Variants in NOL10 observed in about 807,000 individuals in gnomAD.
The protein encoded by NOL10 is H_NH0074G24.1.
A neutral mutation model predicts 103.5 loss-of-function variants in NOL10; 58 were observed. The observed-to-expected ratio is 0.56, with a 90% CI of 0.45 to 0.70. The LOEUF is 0.70. Ranked by LOEUF, NOL10 falls within the 30% of genes least tolerant of loss-of-function variation. The pLI is 0.00. For synonymous variants in NOL10, 287 were observed against 282.5 expected (o/e 1.02, Z -0.16); for missense variants, 763 against 807.3 (o/e 0.95, Z 0.67).
At chr2:10,673,147 T>C (rs540287168) in intron 5 of NOL10, among the ~76,000 whole-genome samples, 21 of 152,048 alleles carry the variant, frequency 1.4e-4, no homozygotes, top group African/African-American at 5.1e-4. Context: ...ATTTCACATA[T>C]AAATAAGAAA....
intron 17 of NOL10, among the ~76,000 whole-genome samples, chr2:10,599,086 G>GT (rs1363947097): frequency 1.4e-5 from 2 of 147,778 alleles, no homozygotes; most frequent in East Asian, 3.9e-4. Context: ...CAAAGAAATG[G>GT]GGGGAAGGGA....
At chr2:10,666,042 C>T (rs1286068657) in intron 8 of NOL10, among the ~76,000 whole-genome samples, 5 of 152,120 alleles carry the variant, frequency 3.3e-5, no homozygotes. Flanking sequence ...CCCTCCCTCC[C>T]TTCCCCATCC....
chr2:10,657,817 G>T lies in NOL10; in HGVS notation c.831C>A (p.Ser277=). The T allele has an allele frequency of 2.6e-6, 4 of 1,550,726 alleles. No homozygotes were observed. The highest frequency in any genetic ancestry group is 2.4e-5 in the East Asian group (1 of 40,870). The change falls in exon 11 of 21, where the codon TCC becomes TCA. Residue 277 remains serine, a synonymous_variant. Transcript: ENST00000381685. ...GATCTAATGAATCCTGGAAATGAACGGACTTAATGGGCAGCCCATACTGGT... is the reference window on the plus strand; with the variant it reads ...GATCTAATGAATCCTGGAAATGAACTGACTTAATGGGCAGCCCATACTGGT... ...KDHQYGLPIK[S]VHFQDSLDLI...
At chr2:10,666,169 T>G (rs978648535) in intron 8 of NOL10, among the ~76,000 whole-genome samples, 18 of 152,192 alleles carry the variant, frequency 1.2e-4, no homozygotes, top group African/African-American at 4.3e-4. Flanking sequence ...TTAATTCACT[T>G]AGGGTAACAG....
intron 17 of NOL10, among the ~76,000 whole-genome samples, chr2:10,591,369 G>A (rs1221303902): frequency 1.3e-5 from 2 of 152,130 alleles, no homozygotes; most frequent in Non-Finnish European, 2.9e-5. Flanking sequence ...CACCCCAGGA[G>A]GGGCCCTGGG....
rs1271367724 is a variant in NOL10, at chr2:10,654,541, T to C, written c.913A>G (p.Ile305Val). 1 of 1,590,688 alleles carries C rather than the reference T, an allele frequency of 6.3e-7. No individual in the cohort carries two copies. Among genetic ancestry groups the C allele is most frequent in the Non-Finnish European group, 8.5e-7 (1 of 1,173,042 alleles). Residue 305 changes from isoleucine (I) to valine (V), a missense_variant, in exon 12 of 21, where the codon ATA becomes GTA. By Grantham distance (29) the Ile-to-Val change is conservative. Coordinates refer to ENST00000381685, the MANE Select transcript of NOL10 (RefSeq NM_024894.4). ...TGCTCTGGCTCCAAGGAAGTAAATA[T>C]TTTTCCCTAAAAATAGCAAGCAAAA... ...VKMWNKNSGK[I>V]FTSLEPEHDL...
At chr2:10,582,168 T>A (rs1370887925) in intron 19 of NOL10, among the ~76,000 whole-genome samples, 1 of 152,218 alleles carries the variant, frequency 6.6e-6, no homozygotes, top group East Asian at 1.9e-4. Flanking sequence ...TCAGCTCTTA[T>A]CCACTATCAG....
chr2:10,668,707 A>C lies in NOL10; in HGVS notation c.481T>G (p.Leu161Val). 6.5e-7 allele frequency: 1 copy of C among 1,530,300 alleles called. No individual in the cohort carries two copies. The highest frequency in any genetic ancestry group is 1.4e-5 in the African/African-American group (1 of 73,726). 94.8% of individuals were successfully genotyped at this position (1,530,300 alleles called of 1,614,324 possible). A position where few individuals can be genotyped will look rare whatever the true frequency, so the allele number is the denominator to read the frequency against. ...FVGASSEVYR[L>V]NLEQGRYLNP... ...AGGTATCGTCCTTGTTCTAAGTTTAACCTATAAACTTCAGAACTGTAAAGT... is the reference window on the plus strand; with the variant it reads ...AGGTATCGTCCTTGTTCTAAGTTTACCCTATAAACTTCAGAACTGTAAAGT... The change falls in exon 7 of 21, where the codon TTA (leucine) becomes GTA (valine). Residue 161 changes from leucine to valine, a missense_variant. Leu to Val is a conservative substitution (Grantham distance 32). Transcript: ENST00000381685.
chr2:10,667,302 A>T (rs1205579985), intron 7 of NOL10, 24 bp from the exon 8 acceptor site: 9 of 1,520,724 alleles, frequency 5.9e-6, no homozygotes, highest in Admixed American at 1.9e-5. Context: ...GCAGTAAGAA[A>T]GAATGAATTA....
At chr2:10,651,384 A>C (rs1270248269) in intron 12 of NOL10, among the ~76,000 whole-genome samples, 1 of 152,198 alleles carries the variant, frequency 6.6e-6, no homozygotes, top group Non-Finnish European at 1.5e-5. Context: ...TGTGAACCAC[A>C]TATGTGATTT....
Position 10,572,027 on chromosome 2 carries a change from G to A in NOL10, c.*44C>T. 2 of 1,609,366 alleles carry A rather than the reference G, an allele frequency of 1.2e-6. No homozygotes were observed. The highest frequency in any genetic ancestry group is 1.7e-6 in the Non-Finnish European group (2 of 1,177,430). ...ACACCCTAACGATGATCAGTTTGGG[G>A]GAGACGTACCCCTCCCTAATCACAG... On this transcript the variant is annotated 3_prime_UTR_variant, in exon 21 of 21. Transcript: ENST00000381685.
intron 1 of NOL10, among the ~76,000 whole-genome samples, chr2:10,684,831 T>C (rs921334379): frequency 2.0e-5 from 3 of 152,228 alleles, no homozygotes; most frequent in Admixed American, 2.0e-4. Context: ...AGATAATTTC[T>C]TTTATTTTTA....
chr2:10,643,227 G>C (rs1448585397), intron 13 of NOL10, among the ~76,000 whole-genome samples: 2 of 152,192 alleles, frequency 1.3e-5, no homozygotes, highest in African/African-American at 4.8e-5. Context: ...CGAAACCACA[G>C]AGTCAACAGC....
chr2:10,607,340 A>C, intron 13 of NOL10, 29 bp from the exon 14 acceptor site: 2 of 1,582,016 alleles, frequency 1.3e-6, no homozygotes, highest in Non-Finnish European at 1.7e-6. Context: ...AGGTCAGCAA[A>C]GGCACAGTTT....
intron 13 of NOL10, among the ~76,000 whole-genome samples, chr2:10,628,404 T>C (rs1012717239): frequency 2.6e-5 from 4 of 152,154 alleles, no homozygotes; most frequent in Non-Finnish European, 5.9e-5. Context: ...TGATTTACAG[T>C]TGACTGAAAC....
chr2:10,688,980 G>T (rs943003921), intron 1 of NOL10, among the ~76,000 whole-genome samples: 1 of 152,212 alleles, frequency 6.6e-6, no homozygotes, highest in East Asian at 1.9e-4. Flanking sequence ...GGCCAACAGT[G>T]GCATGCTATA....
intron 13 of NOL10, among the ~76,000 whole-genome samples, chr2:10,608,795 A>C (rs1312741629): frequency 2.0e-5 from 3 of 152,214 alleles, no homozygotes; most frequent in Non-Finnish European, 2.9e-5. Flanking sequence ...GATTAGAAAG[A>C]GTGATTCTCT....
intron 19 of NOL10, among the ~76,000 whole-genome samples, chr2:10,585,547 T>C (rs10166765): frequency 0.34 from 52,307 of 152,098 alleles, 9,424 homozygotes; most frequent in Non-Finnish European, 0.4. Context: ...AGATGTCCAT[T>C]AACTGACGAA....
At chr2:10,661,672 A>G (rs1338118298) in intron 9 of NOL10, among the ~76,000 whole-genome samples, 2 of 151,982 alleles carry the variant, frequency 1.3e-5, no homozygotes, top group Non-Finnish European at 2.9e-5. Flanking sequence ...TGCCTGGTCT[A>G]TATTAGTTCT....
Sources: allele counts gnomAD v4.1 joint callset (sites outside exome capture counted in the v4.1 genomes callset), GRCh38; gene constraint gnomAD v4.1.1; transcripts MANE v1.5; gene names NCBI Gene and HGNC (gene_info 2026-07-23, HGNC 2026-07-21).